MMS22L: variants seen among roughly 807,000 people sequenced by gnomAD.
MMS22L encodes the protein MMS22 like, DNA repair protein, also known as protein MMS22-like.
MMS22L carries 74 observed loss-of-function variants against 159.1 expected under a neutral mutation model. The ratio of observed to expected loss-of-function variants is 0.47; its 90% CI spans 0.39 to 0.56. The LOEUF (loss-of-function observed/expected upper bound fraction) is 0.56, where lower values mean the gene tolerates loss of function less well. MMS22L is among the 20% of genes least tolerant of loss of function. MMS22L has a pLI of 0.00. For synonymous variants in MMS22L, 517 were observed against 506.9 expected (o/e 1.02, Z -0.27); for missense variants, 1,351 against 1,422.1 (o/e 0.95, Z 0.80).
At chr6:97,155,239 GTGTT>G (rs1291724363) in intron 22 of MMS22L, among the ~76,000 whole-genome samples, 3 of 152,002 alleles carry the variant, frequency 2.0e-5, no homozygotes, top group Admixed American at 6.6e-5. Flanking sequence ...TTAATGACTC[GTGTT>G]TGTTTCTTTA....
intron 22 of MMS22L, among the ~76,000 whole-genome samples, chr6:97,152,862 G>C (rs1043950903): frequency 3.5e-5 from 5 of 142,316 alleles, no homozygotes; most frequent in African/African-American, 1.3e-4. Flanking sequence ...TTAAGAGGCA[G>C]AGTCTTGCTC....
rs764886614 is a variant in MMS22L, at chr6:97,233,979, C to A, written c.1184G>T (p.Gly395Val). 35 of 1,602,252 alleles carry A rather than the reference C, an allele frequency of 2.2e-5. No individual in the cohort carries two copies. Among genetic ancestry groups the A allele is most frequent in the Non-Finnish European group, 2.0e-5 (23 of 1,176,094 alleles). The change falls in exon 12 of 25, where the codon GGT (glycine) becomes GTT (valine). Residue 395 changes from glycine to valine, a missense_variant and splice_region_variant. Coordinates refer to ENST00000683635, the MANE Select transcript of MMS22L (RefSeq NM_001350599.2). ...ELLKKSISVQGVILEEQLRMY... is the reference protein window; with the variant it reads ...ELLKKSISVQVVILEEQLRMY... ...TCGTAATTGTTCTTCTAGAATGACACCCTAAAAAATAAACTGAAGTTATGA... is the reference window on the plus strand; with the variant it reads ...TCGTAATTGTTCTTCTAGAATGACAACCTAAAAAATAAACTGAAGTTATGA...
chr6:97,200,720 T>C (rs1486120837), intron 14 of MMS22L, among the ~76,000 whole-genome samples: 1 of 152,064 alleles, frequency 6.6e-6, no homozygotes, highest in East Asian at 1.9e-4. Flanking sequence ...AGATCACCGA[T>C]TCAGTATGAA....
intron 8 of MMS22L, 151 bp downstream of exon 8, chr6:97,267,721 G>A: frequency 1.9e-6 from 1 of 533,158 alleles, no homozygotes; most frequent in Non-Finnish European, 2.8e-6. Flanking sequence ...AATAAAAATT[G>A]TTTTCCCTTT....
chr6:97,206,281 A>C (rs1447920996), intron 14 of MMS22L, among the ~76,000 whole-genome samples: 1 of 150,386 alleles, frequency 6.6e-6, no homozygotes, highest in East Asian at 2.0e-4. Context: ...ATTCCTTCCT[A>C]CCTCTTTCAA....
intron 14 of MMS22L, among the ~76,000 whole-genome samples, chr6:97,223,666 CT>C (rs1809900879): frequency 3.9e-5 from 6 of 152,088 alleles, no homozygotes; most frequent in Admixed American, 3.9e-4. Context: ...CTCTTCTTCC[CT>C]TCTTTCTTTA....
intron 13 of MMS22L, among the ~76,000 whole-genome samples, chr6:97,229,684 CTTTTA>C (rs1226419423): frequency 6.6e-6 from 1 of 152,110 alleles, no homozygotes; most frequent in Non-Finnish European, 1.5e-5. Context: ...ATGGCTTTTC[CTTTTA>C]TTCAAGTCCC....
In MMS22L at chr6:97,159,323, C is replaced by T. The variant is rs142204020; in HGVS notation, c.3385+2679G>A. On this transcript the variant is annotated intron_variant, in intron 22 of 24. Transcript: ENST00000683635. ...ATTATTAATTATTTTTGAACTATTTCCTTTGTGGTCACTCTAAGCTAACCA... is the reference window on the plus strand; with the variant it reads ...ATTATTAATTATTTTTGAACTATTTTCTTTGTGGTCACTCTAAGCTAACCA... 5.0e-3 allele frequency among the ~76,000 whole-genome samples: 762 copies of T among 151,792 alleles called. 5 individuals carry two copies. The highest frequency in any genetic ancestry group is 6.8e-3 in the Middle Eastern group (2 of 294).
At position 97,255,106 on chromosome 6, in the gene MMS22L, T is replaced by C. The variant is rs542682660; in HGVS notation, c.943-373A>G. Among the ~76,000 whole-genome samples the C allele has an allele frequency of 2.7e-4, 41 of 152,262 alleles. 1 individual carries two copies. The highest frequency in any genetic ancestry group is 9.6e-4 in the African/African-American group (40 of 41,570). On this transcript the variant is annotated intron_variant, in intron 9 of 24. Coordinates refer to ENST00000683635, the MANE Select transcript of MMS22L (RefSeq NM_001350599.2). ...TCAAGCGGCTTGTTTCTAATTCTTTTGTAACTTGCTTCTTTGGTCAATGCT... is the reference window on the plus strand; with the variant it reads ...TCAAGCGGCTTGTTTCTAATTCTTTCGTAACTTGCTTCTTTGGTCAATGCT...
At chr6:97,255,143 G>A (rs1172738378) in intron 9 of MMS22L, among the ~76,000 whole-genome samples, 1 of 151,954 alleles carries the variant, frequency 6.6e-6, no homozygotes, top group African/African-American at 2.4e-5. Context: ...CGTTTCTGAT[G>A]AACTCATCTA....
intron 14 of MMS22L, among the ~76,000 whole-genome samples, chr6:97,193,773 T>C (rs1035818641): frequency 1.6e-4 from 24 of 152,316 alleles, no homozygotes; most frequent in African/African-American, 5.3e-4. Context: ...TATTTATTTA[T>C]TTTTTGAGAC....
intron 22 of MMS22L, among the ~76,000 whole-genome samples, chr6:97,152,241 A>G (rs1801391766): frequency 6.6e-6 from 1 of 152,080 alleles, no homozygotes; most frequent in Admixed American, 6.6e-5. Flanking sequence ...TTGATTTTTT[A>G]AAAATTCATA....
chr6:97,234,488 T>C (rs753430435), intron 11 of MMS22L, among the ~76,000 whole-genome samples: 2 of 152,164 alleles, frequency 1.3e-5, no homozygotes, highest in African/African-American at 2.4e-5. Flanking sequence ...AGAAAAAACA[T>C]AGATGCTTTT....
chr6:97,146,676 T>G lies in MMS22L; in HGVS notation c.*130A>C, dbSNP rs1800938474. 3 of 568,602 alleles carry G rather than the reference T, an allele frequency of 5.3e-6. No individual in the cohort carries two copies. Among genetic ancestry groups the G allele is most frequent in the Admixed American group, 8.0e-5 (2 of 25,026 alleles). 35.2% of individuals were successfully genotyped at this position (568,602 alleles called of 1,614,324 possible). On this transcript the variant is annotated 3_prime_UTR_variant, in exon 25 of 25. Transcript: ENST00000683635. ...TTTATACATTTTTTACTTACAGATA[T>G]AAAAGGAAAAAAAATCCTAGAAATT...
At chr6:97,243,302 G>A (rs200992902) in intron 11 of MMS22L, among the ~76,000 whole-genome samples, 24 of 151,532 alleles carry the variant, frequency 1.6e-4, no homozygotes, top group Non-Finnish European at 3.2e-4. Context: ...TGTCTTTATC[G>A]GATTGGATTA....
Position 97,181,264 on chromosome 6 carries a change from A to G in MMS22L, c.2384+640T>C, listed in dbSNP as rs369142694. Among the ~76,000 whole-genome samples, 35 of 152,274 alleles carry G rather than the reference A, an allele frequency of 2.3e-4. 2 individuals carry two copies. Among genetic ancestry groups the G allele is most frequent in the African/African-American group, 7.7e-4 (32 of 41,574 alleles). The stretch of plus-strand genomic sequence containing the variant: ...GGACTAAGACCTCTTAGGCTTGTAT[A>G]TTTATTTTATTTTCTCTCATCTTGA... On this transcript the variant is annotated intron_variant, in intron 16 of 24. Coordinates refer to ENST00000683635, the MANE Select transcript of MMS22L (RefSeq NM_001350599.2).
At chr6:97,182,142 T>TG in intron 15 of MMS22L, 88 bp from the exon 16 acceptor site, 2 of 966,938 alleles carry the variant, frequency 2.1e-6, no homozygotes, top group Non-Finnish European at 2.9e-6. Context: ...TAACAAGTGT[T>TG]TTTTTTTTTT....
chr6:97,272,600 G>A, intron 6 of MMS22L, 104 bp downstream of exon 6: 3 of 1,037,328 alleles, frequency 2.9e-6, no homozygotes, highest in Non-Finnish European at 4.2e-6. Context: ...CAGGCAGTCA[G>A]GTTCCAGAGC....
At chr6:97,281,031 GA>G (rs2128104172) in intron 3 of MMS22L, among the ~76,000 whole-genome samples, 1 of 152,240 alleles carries the variant, frequency 6.6e-6, no homozygotes, top group African/African-American at 2.4e-5. Context: ...CAAATGCAAA[GA>G]ATAAAGATTC....
Sources: gnomAD v4.1 joint callset for allele counts (sites outside exome capture counted in the v4.1 genomes callset) on GRCh38, gnomAD v4.1.1 for gene constraint, MANE v1.5 for transcripts, NCBI Gene and HGNC (gene_info 2026-07-23, HGNC 2026-07-21) for gene names.